Variants in SPAG16 observed in about 807,000 individuals in gnomAD.
SPAG16 encodes the protein sperm-associated antigen 16 protein.
SPAG16 carries 86 observed loss-of-function variants against 80.4 expected under a neutral mutation model. The observed-to-expected ratio is 1.07, with a 90% CI of 0.90 to 1.28. The LOEUF (loss-of-function observed/expected upper bound fraction) is 1.28, where lower values mean the gene tolerates loss of function less well. Among genes scored for constraint, SPAG16 ranks in the 50% most tolerant of loss-of-function variants. The probability of loss-of-function intolerance (pLI) is 0.00; values close to 1 mark genes in which losing one functional copy is unlikely to be tolerated. For synonymous variants in SPAG16, 294 were observed against 265.9 expected, an observed-to-expected ratio of 1.11 and a Z score of -1.03; for missense variants, 870 against 765.3, an observed-to-expected ratio of 1.14 and a Z score of -1.61.
At chr2:214,323,427 G>A (rs1020261180) in intron 15 of SPAG16, among the ~76,000 whole-genome samples, 4 of 151,764 alleles carry the variant, frequency 2.6e-5, no homozygotes, top group Non-Finnish European at 1.5e-5. Context: ...TCAAGTATTA[G>A]GTCATATTTA....
chr2:214,101,339 G>A (rs932718773), intron 13 of SPAG16, among the ~76,000 whole-genome samples: 1 of 151,982 alleles, frequency 6.6e-6, no homozygotes, highest in Admixed American at 6.6e-5. Flanking sequence ...TTCATGGGTT[G>A]GAAGATGGGT....
chr2:213,881,633 T>C (rs2076348373), intron 11 of SPAG16, among the ~76,000 whole-genome samples: 1 of 152,148 alleles, frequency 6.6e-6, no homozygotes, highest in Admixed American at 6.5e-5. Context: ...GAAGGAGAAG[T>C]GCCAAGGCAG....
chr2:213,563,356 G>A (rs2059655724), intron 10 of SPAG16, among the ~76,000 whole-genome samples: 1 of 152,064 alleles, frequency 6.6e-6, no homozygotes. Context: ...TTATCAGTAT[G>A]TGTATTAGTC....
intron 1 of SPAG16, among the ~76,000 whole-genome samples, chr2:213,288,397 C>T (rs929695037): frequency 8.5e-5 from 13 of 152,144 alleles, no homozygotes; most frequent in South Asian, 2.1e-4. Flanking sequence ...CTCTGCCTCC[C>T]GGATTCGTGC....
intron 14 of SPAG16, among the ~76,000 whole-genome samples, chr2:214,114,789 C>T (rs560767147): frequency 5.9e-5 from 9 of 152,316 alleles, no homozygotes; most frequent in African/African-American, 2.2e-4. Context: ...CTACCTGCTT[C>T]GGGTGGCCCT....
rs2075035465 is a variant in SPAG16 at position 213,853,988 on chromosome 2, C to T, written c.1071-8497C>T. ...CTACTTTGTGCTAGTTGCATATGTG[C>T]AAGTAAGGATAGGAGTGAATGTGTA... On this transcript the variant is annotated intron_variant, in intron 10 of 15. Coordinates refer to ENST00000331683, the MANE Select transcript of SPAG16 (RefSeq NM_024532.5). Among the ~76,000 whole-genome samples, 3 of 152,226 alleles carry T rather than the reference C, an allele frequency of 2.0e-5. No homozygotes were observed. The South Asian group carries it at 6.2e-4, about 32-fold the overall frequency.
At chr2:213,669,887 G>A (rs901389159) in intron 10 of SPAG16, among the ~76,000 whole-genome samples, 2 of 151,948 alleles carry the variant, frequency 1.3e-5, no homozygotes, top group African/African-American at 4.8e-5. Context: ...GAGAAAAGCT[G>A]TTTACTCAGC....
intron 10 of SPAG16, among the ~76,000 whole-genome samples, chr2:213,542,983 C>A (rs577927284): frequency 6.6e-6 from 1 of 152,046 alleles, no homozygotes; most frequent in African/African-American, 2.4e-5. Context: ...TGGTAGATAT[C>A]CAGCCAGACT....
Position 213,622,980 on chromosome 2 carries a change from C to T in SPAG16, c.1070+132890C>T, listed in dbSNP as rs112546908. Among the ~76,000 whole-genome samples, 231 of 152,206 alleles carry T rather than the reference C, an allele frequency of 1.5e-3. 3 individuals are homozygous for T. Among genetic ancestry groups the T allele is most frequent in the African/African-American group, 4.5e-3 (188 of 41,532 alleles). On this transcript the variant is annotated intron_variant, in intron 10 of 15. Coordinates refer to ENST00000331683, the MANE Select transcript of SPAG16 (RefSeq NM_024532.5). ...GGAGTGTGTGTGAAGAGTAACGAAG[C>T]CTTCCATTTGTTCTTCACAAATTTT...
At chr2:213,414,109 C>A (rs548598737) in intron 9 of SPAG16, among the ~76,000 whole-genome samples, 1 of 152,278 alleles carries the variant, frequency 6.6e-6, no homozygotes, top group East Asian at 1.9e-4. Context: ...ATTTTAACCA[C>A]TCTTTTCCAA....
intron 15 of SPAG16, among the ~76,000 whole-genome samples, chr2:214,154,989 T>C (rs1369355065): frequency 6.6e-6 from 1 of 152,136 alleles, no homozygotes; most frequent in Non-Finnish European, 1.5e-5. Flanking sequence ...CTATGACTGC[T>C]CCAGAATATA....
chr2:213,551,490 A>G (rs994598689), intron 10 of SPAG16, among the ~76,000 whole-genome samples: 6 of 152,206 alleles, frequency 3.9e-5, no homozygotes, highest in Non-Finnish European at 7.3e-5. Context: ...AGGTTTTGGT[A>G]TCAGAGTATC....
intron 10 of SPAG16, among the ~76,000 whole-genome samples, chr2:213,760,141 G>A (rs1314129977): frequency 6.6e-6 from 1 of 152,046 alleles, no homozygotes; most frequent in Admixed American, 6.6e-5. Context: ...CAAAAGACTG[G>A]CAAAATAGAT....
At chr2:214,192,819 G>A (rs1234917413) in intron 15 of SPAG16, among the ~76,000 whole-genome samples, 1 of 152,058 alleles carries the variant, frequency 6.6e-6, no homozygotes, top group Non-Finnish European at 1.5e-5. Context: ...GTAATGCATT[G>A]TAAAAAATAA....
At chr2:213,462,839 TAATA>T (rs2072458945) in intron 9 of SPAG16, among the ~76,000 whole-genome samples, 1 of 152,166 alleles carries the variant, frequency 6.6e-6, no homozygotes, top group Non-Finnish European at 1.5e-5. Context: ...ACTAATGGAC[TAATA>T]CAGTAAATCG....
At chr2:214,396,835 G>A (rs1482301294) in intron 15 of SPAG16, among the ~76,000 whole-genome samples, 2 of 151,874 alleles carry the variant, frequency 1.3e-5, no homozygotes, top group Non-Finnish European at 2.9e-5. Context: ...TCTACATCAA[G>A]ATCTTTTGAA....
chr2:213,980,735 G>A (rs1053601616), intron 12 of SPAG16, among the ~76,000 whole-genome samples: 3 of 116,974 alleles, frequency 2.6e-5, no homozygotes, highest in East Asian at 2.3e-4. Context: ...TAGAGAGAGA[G>A]AGAGAGAGAG....
chr2:214,068,851 G>A (rs1443334211), intron 13 of SPAG16, among the ~76,000 whole-genome samples: 1 of 152,000 alleles, frequency 6.6e-6, no homozygotes, highest in Non-Finnish European at 1.5e-5. Context: ...TTCTTGCTTA[G>A]TCTCATTTTT....
intron 10 of SPAG16, among the ~76,000 whole-genome samples, chr2:213,762,989 A>G (rs1458291032): frequency 6.6e-6 from 1 of 152,234 alleles, no homozygotes; most frequent in Non-Finnish European, 1.5e-5. Context: ...TTGACTAGAC[A>G]TTTCTCCAAA....
Sources: allele counts gnomAD v4.1 joint callset (sites outside exome capture counted in the v4.1 genomes callset), GRCh38; gene constraint gnomAD v4.1.1; transcripts MANE v1.5; gene names NCBI Gene and HGNC (gene_info 2026-07-23, HGNC 2026-07-21).